PRDM8: variants seen among roughly 807,000 people sequenced by gnomAD.
The protein encoded by PRDM8 is PR/SET domain 8.
Under a neutral mutation model 46.5 loss-of-function variants are expected in PRDM8, and 13 were observed. That is an observed-to-expected ratio of 0.28 (90% CI 0.18 to 0.44). The LOEUF (loss-of-function observed/expected upper bound fraction) is 0.44, where lower values mean the gene tolerates loss of function less well. Among genes scored for constraint, PRDM8 ranks in the 20% least tolerant of loss-of-function variants. The pLI is 1.00. For synonymous variants in PRDM8, 473 were observed against 438.4 expected (o/e 1.08, Z -0.98); for missense variants, 998 against 955.0 (o/e 1.04, Z -0.59).
chr4:80,200,415 T>G, intron 2 of PRDM8, 116 bp downstream of exon 2: 1 of 876,526 alleles, frequency 1.1e-6, no homozygotes, highest in Non-Finnish European at 1.8e-6. Context: ...AATGCAATAA[T>G]GCAAGCAATC....
Position 80,203,558 on chromosome 4 carries a change from G to C in PRDM8, c.*26G>C. The C allele has an allele frequency of 1.3e-6, 2 of 1,580,380 alleles. No homozygotes were observed. The highest frequency in any genetic ancestry group is 8.6e-7 in the Non-Finnish European group (1 of 1,162,342). ...CTCGGAAAGGACCCCAGCTTTCCAC[G>C]CGCGCGCAAGCACAGTTAAGCCACC... On this transcript the variant is annotated 3_prime_UTR_variant, in exon 4 of 4. Coordinates refer to ENST00000415738, the MANE Select transcript of PRDM8 (RefSeq NM_001099403.2).
upstream of PRDM8, chr4:80,194,147 C>T (rs1037880190): frequency 1.3e-5 from 12 of 927,534 alleles, no homozygotes; most frequent in Non-Finnish European, 1.5e-5. Flanking sequence ...ATTTATCAAC[C>T]TCTCTCCAGC....
At chr4:80,195,902 T>TAC (rs71662895), upstream of PRDM8, 10,961 of 148,874 alleles carry the variant, frequency 0.074, 670 homozygotes, top group African/African-American at 0.19. Context: ...GAGAAGGAAA[T>TAC]ACACACACAC....
upstream of PRDM8, among the ~76,000 whole-genome samples, chr4:80,195,498 T>TTG (rs139174909): frequency 4.2e-3 from 632 of 150,034 alleles, 3 homozygotes; most frequent in African/African-American, 0.012. Flanking sequence ...TGTCCATACT[T>TTG]TGTGTGTGTG....
chr4:80,192,669 C>G (rs116387762), upstream of PRDM8, among the ~76,000 whole-genome samples: 814 of 152,282 alleles, frequency 5.3e-3, 5 homozygotes, highest in African/African-American at 0.019. Flanking sequence ...AAAATCCAAG[C>G]CTTTTCTTGC....
Position 80,203,005 on chromosome 4 carries a change from G to A in PRDM8, c.1543G>A (p.Val515Met), listed in dbSNP as rs779428778. The A allele has an allele frequency of 3.3e-6, 5 of 1,525,958 alleles. No individual in the cohort carries two copies. Among genetic ancestry groups the A allele is most frequent in the South Asian group, 1.2e-5 (1 of 83,180 alleles). The allele number at this position is 1,525,958 out of a possible 1,614,324, so 94.5% of individuals were successfully genotyped here. ...CTCTTTCTCGCAGCTGTCCCCGCTG[G>A]TGCTGGGCCAGAAGCTGGGCGCGCT... ...ARSFSQLSPL[V>M]LGQKLGALEP... The change falls in exon 4 of 4, where the codon GTG (valine) becomes ATG (methionine). Residue 515 changes from valine (V) to methionine (M), a missense_variant. Val to Met is a conservative substitution (Grantham distance 21). Transcript: ENST00000415738.
Position 80,202,844 on chromosome 4 carries a change from C to T in PRDM8, c.1382C>T (p.Thr461Ile). ...GGSPARGSAF[T>I]SVPQLGSAGS... Reference sequence around the variant, plus strand: ...AGTCCTGCGAGGGGCAGCGCCTTCACTTCGGTGCCGCAGCTGGGCAGCGCG... The same window carrying T: ...AGTCCTGCGAGGGGCAGCGCCTTCATTTCGGTGCCGCAGCTGGGCAGCGCG... Residue 461 changes from threonine (T) to isoleucine (I), a missense_variant, in exon 4 of 4, where the codon ACT becomes ATT. Transcript: ENST00000415738. 1 of 1,232,284 alleles carries T rather than the reference C, an allele frequency of 8.1e-7. No individual in the cohort carries two copies. Among genetic ancestry groups the T allele is most frequent in the Non-Finnish European group, 1.0e-6 (1 of 992,350 alleles). The allele number at this position is 1,232,284 out of a possible 1,614,324, so 76.3% of individuals were successfully genotyped here. A position where few individuals can be genotyped will look rare whatever the true frequency, so the allele number is the denominator to read the frequency against.
chr4:80,196,013 C>CA, upstream of PRDM8: 1 of 975,428 alleles, frequency 1.0e-6, no homozygotes, highest in Non-Finnish European at 1.2e-6. Flanking sequence ...TTCTCCTCAG[C>CA]AAAATCCTCC....
At chr4:80,190,675 G>A (rs146138025) in intron 1 of PRDM8, among the ~76,000 whole-genome samples, 128 of 152,324 alleles carry the variant, frequency 8.4e-4, no homozygotes, top group African/African-American at 2.8e-3. Context: ...CTTTCACTAA[G>A]ACATGGGCAC....
Position 80,197,775 on chromosome 4 carries a change from T to C in PRDM8, c.-3+12T>C. 1 of 985,392 alleles carries C rather than the reference T, an allele frequency of 1.0e-6. No homozygotes were observed. 61.0% of individuals were successfully genotyped at this position (985,392 alleles called of 1,614,324 possible). ...TGACCTTATTCCTGGTAAGTCTATT[T>C]GCATTGATGTGGGAGGGGGATGGGA... On this transcript the variant is annotated intron_variant, in intron 1 of 3. Transcript: ENST00000415738.
chr4:80,202,614 C>A lies in PRDM8; in HGVS notation c.1152C>A (p.Ser384Arg). Residue 384 changes from serine to arginine, a missense_variant, in exon 4 of 4, where the codon AGC becomes AGA. Coordinates refer to ENST00000415738, the MANE Select transcript of PRDM8 (RefSeq NM_001099403.2). ...CCGAGACGGGCGAGGCGAAGCGCAG[C>A]GCCTTCGTGGAGGTGAAGAAGGCTG... ...PSPETGEAKR[S>R]AFVEVKKAAR... 6.5e-7 allele frequency: 1 copy of A among 1,531,434 alleles called. No individual in the cohort carries two copies. Among genetic ancestry groups the A allele is most frequent in the Non-Finnish European group, 8.7e-7 (1 of 1,145,098 alleles). The allele number at this position is 1,531,434 out of a possible 1,614,324, so 94.9% of individuals were successfully genotyped here. A position where few individuals can be genotyped will look rare whatever the true frequency, so the allele number is the denominator to read the frequency against.
At chr4:80,197,471 G>A, upstream of PRDM8, 1 of 985,892 alleles carries the variant, frequency 1.0e-6, no homozygotes. Flanking sequence ...ATTATGTGCA[G>A]CAAACAAAAA....
rs1322783465 is a variant in PRDM8 at position 80,202,058 on chromosome 4, C to T, written c.596C>T (p.Thr199Ile). 6.2e-7 allele frequency: 1 copy of T among 1,613,390 alleles called. No homozygotes were observed. The highest frequency in any genetic ancestry group is 1.3e-5 in the African/African-American group (1 of 74,706). ...PQDEQGGGVG[T>I]KDHGGGGGGG... ...GACGAACAAGGCGGCGGCGTGGGCACCAAGGACCACGGGGGCGGCGGCGGC... is the reference window on the plus strand; with the variant it reads ...GACGAACAAGGCGGCGGCGTGGGCATCAAGGACCACGGGGGCGGCGGCGGC... Residue 199 changes from threonine to isoleucine, a missense_variant, in exon 4 of 4, where the codon ACC becomes ATC. Physicochemically the swap from Thr to Ile is moderately conservative, Grantham distance 89. Transcript: ENST00000415738.
Position 80,197,593 on chromosome 4 carries a change from CCCATCTCT to C in PRDM8, c.-163_-156del, listed in dbSNP as rs1374833810. 7 of 954,834 alleles carry C rather than the reference CCCATCTCT, an allele frequency of 7.3e-6. No individual in the cohort carries two copies. The highest frequency in any genetic ancestry group is 1.8e-5 in the African/African-American group (1 of 56,320). The allele number at this position is 954,834 out of a possible 1,614,324, so 59.1% of individuals were successfully genotyped here. ...CCTCCACCCCCCCAATCTTTTTCTC[CCCATCTCT>C]CCATCTCTCTCTTATCTCTTCAGGA... On this transcript the variant is annotated 5_prime_UTR_variant, in exon 1 of 4. Coordinates refer to ENST00000415738, the MANE Select transcript of PRDM8 (RefSeq NM_001099403.2).
chr4:80,193,097 C>A (rs183422526), upstream of PRDM8, among the ~76,000 whole-genome samples: 3 of 152,240 alleles, frequency 2.0e-5, no homozygotes, highest in East Asian at 5.8e-4. Flanking sequence ...GGATCATTTA[C>A]GAGGAAAAGC....
chr4:80,202,158 C>G lies in PRDM8; in HGVS notation c.696C>G (p.Pro232=). ...GTCCCAAGTTTTGCAAAGCCGGCCC[C>G]CTCCACCACTACCCATCCCCCTCCC... ...GPGPKFCKAG[P]LHHYPSPSPE... Residue 232 remains proline (P), a synonymous_variant, in exon 4 of 4, where the codon CCC becomes CCG. Coordinates refer to ENST00000415738, the MANE Select transcript of PRDM8 (RefSeq NM_001099403.2). The G allele has an allele frequency of 6.2e-7, 1 of 1,610,418 alleles. No homozygotes were observed. Among genetic ancestry groups the G allele is most frequent in the Non-Finnish European group, 8.5e-7 (1 of 1,179,372 alleles).
chr4:80,197,100 G>C (rs1027119797), upstream of PRDM8: 1 of 985,334 alleles, frequency 1.0e-6, no homozygotes, highest in Non-Finnish European at 1.2e-6. Flanking sequence ...TCCCTTTCAC[G>C]GAACGCGGAC....
At position 80,197,729 on chromosome 4, in the gene PRDM8, C is replaced by T. The variant is rs1738074018; in HGVS notation, c.-37C>T. ...TTGCATCTTCCCGGTTCCAGGTGGC[C>T]TTATTTGGGAGATTCTATACTGACC... is the stretch of plus-strand genomic sequence containing the variant. On this transcript the variant is annotated 5_prime_UTR_variant, in exon 1 of 4. Transcript: ENST00000415738. 1.0e-6 allele frequency: 1 copy of T among 984,090 alleles called. No individual in the cohort carries two copies. The highest frequency in any genetic ancestry group is 1.7e-5 in the African/African-American group (1 of 57,144). The allele number at this position is 984,090 out of a possible 1,614,324, so 61.0% of individuals were successfully genotyped here.
intron 1 of PRDM8, among the ~76,000 whole-genome samples, chr4:80,186,126 C>G (rs1374211809): frequency 1.3e-5 from 2 of 152,126 alleles, no homozygotes; most frequent in African/African-American, 4.8e-5. Flanking sequence ...ACTCCTGTGA[C>G]GCTTAGCTTT....
Sources: gnomAD v4.1 joint callset for allele counts (sites outside exome capture counted in the v4.1 genomes callset) on GRCh38, gnomAD v4.1.1 for gene constraint, MANE v1.5 for transcripts, NCBI Gene and HGNC (gene_info 2026-07-23, HGNC 2026-07-21) for gene names.